Variants in ZFHX3 observed in about 807,000 individuals in gnomAD.
ZFHX3 encodes the protein zinc finger homeobox protein 3.
ZFHX3 carries 42 observed loss-of-function variants against 279.1 expected under a neutral mutation model. The ratio of observed to expected loss-of-function variants is 0.15; its 90% CI spans 0.12 to 0.19. The LOEUF is 0.19. ZFHX3 is among the 10% of genes least tolerant of loss of function. The pLI is 1.00. For missense variants in ZFHX3, 4,981 were observed against 4,754.0 expected, an observed-to-expected ratio of 1.05 and a Z score of -1.40; for synonymous variants, 2,293 against 1,957.8, an observed-to-expected ratio of 1.17 and a Z score of -4.52.
intron 7 of ZFHX3, among the ~76,000 whole-genome samples, chr16:72,802,541 C>A (rs1036951506): frequency 6.6e-6 from 1 of 152,018 alleles, no homozygotes; most frequent in Non-Finnish European, 1.5e-5. Context: ...CTATAGTGTA[C>A]CCAACCTCTC....
intron 2 of ZFHX3, among the ~76,000 whole-genome samples, chr16:73,565,128 C>T (rs1297263543): frequency 1.3e-5 from 2 of 152,106 alleles, no homozygotes. Flanking sequence ...GTGGCACATA[C>T]CTGTAGTCCC....
intron 7 of ZFHX3, among the ~76,000 whole-genome samples, chr16:73,125,798 A>G (rs1187924004): frequency 6.6e-6 from 1 of 151,858 alleles, no homozygotes; most frequent in Non-Finnish European, 1.5e-5. Flanking sequence ...ATATGTGTGT[A>G]TATATGTATA....
At chr16:73,170,135 G>A (rs997436127) in intron 5 of ZFHX3, among the ~76,000 whole-genome samples, 1 of 150,588 alleles carries the variant, frequency 6.6e-6, no homozygotes, top group African/African-American at 2.4e-5. Context: ...ATGTCCTGAT[G>A]CTAACTGCGA....
At chr16:73,891,738 T>C (rs1410981587) in exon 1 of ZFHX3, 1 of 141,862 alleles carries the variant, frequency 7.0e-6, no homozygotes, top group Non-Finnish European at 1.5e-5. Flanking sequence ...GGGTTTTTAG[T>C]TCTCTCTCTC....
At chr16:73,405,872 T>C (rs1163902046) in intron 3 of ZFHX3, among the ~76,000 whole-genome samples, 1 of 152,252 alleles carries the variant, frequency 6.6e-6, no homozygotes, top group African/African-American at 2.4e-5. Context: ...GGAATCTTCT[T>C]GAAAGGAGCG....
intron 2 of ZFHX3, among the ~76,000 whole-genome samples, chr16:73,591,378 AAACAAAC>A (rs1307007480): frequency 8.0e-5 from 12 of 150,270 alleles, no homozygotes; most frequent in Admixed American, 3.3e-4. Context: ...ACAAACAAAC[AAACAAAC>A]AAAAATCCAG....
At chr16:73,784,686 G>A (rs1959579583) in intron 1 of ZFHX3, among the ~76,000 whole-genome samples, 1 of 151,698 alleles carries the variant, frequency 6.6e-6, no homozygotes, top group Admixed American at 6.6e-5. Context: ...GGCAGAGGTT[G>A]CAGTGAGCCA....
At chr16:73,241,020 G>A (rs2013105704) in intron 5 of ZFHX3, among the ~76,000 whole-genome samples, 1 of 152,148 alleles carries the variant, frequency 6.6e-6, no homozygotes, top group African/African-American at 2.4e-5. Flanking sequence ...TTGGGGATGG[G>A]GTGGTGCATT....
At chr16:73,374,858 A>G (rs1030147944) in intron 3 of ZFHX3, among the ~76,000 whole-genome samples, 5 of 152,158 alleles carry the variant, frequency 3.3e-5, no homozygotes, top group African/African-American at 1.2e-4. Context: ...TCTCTGGTAA[A>G]TTGGTGATTA....
chr16:73,783,195 C>T (rs1243177222), intron 1 of ZFHX3, among the ~76,000 whole-genome samples: 2 of 152,202 alleles, frequency 1.3e-5, no homozygotes, highest in African/African-American at 4.8e-5. Flanking sequence ...AACCTGCAAC[C>T]AATGACTAGT....
At chr16:73,588,004 A>G (rs769711836) in intron 2 of ZFHX3, among the ~76,000 whole-genome samples, 26 of 152,210 alleles carry the variant, frequency 1.7e-4, no homozygotes, top group African/African-American at 5.1e-4. Flanking sequence ...ACAGTGGGCC[A>G]CAAACGGTAA....
chr16:73,012,073 A>T (rs898280899), intron 1 of ZFHX3, among the ~76,000 whole-genome samples: 3 of 152,216 alleles, frequency 2.0e-5, no homozygotes, highest in African/African-American at 7.2e-5. Context: ...CAAATGTCAC[A>T]GCCACTTCAA....
chr16:73,532,888 C>A (rs2019832172), intron 2 of ZFHX3, among the ~76,000 whole-genome samples: 1 of 152,202 alleles, frequency 6.6e-6, no homozygotes, highest in African/African-American at 2.4e-5. Flanking sequence ...TCCCCCTTTG[C>A]TCAGCACTCA....
intron 5 of ZFHX3, among the ~76,000 whole-genome samples, chr16:73,217,181 C>T (rs2012242379): frequency 6.6e-6 from 1 of 152,114 alleles, no homozygotes; most frequent in South Asian, 2.1e-4. Context: ...TCAGATGGGT[C>T]GATGTTATCG....
chr16:73,177,816 C>T (rs962816765), intron 5 of ZFHX3, among the ~76,000 whole-genome samples: 5 of 152,194 alleles, frequency 3.3e-5, no homozygotes, highest in African/African-American at 1.2e-4. Flanking sequence ...GTGGAGGAGA[C>T]AGACATATGA....
intron 2 of ZFHX3, among the ~76,000 whole-genome samples, chr16:73,502,602 G>A (rs1041422427): frequency 5.9e-5 from 9 of 152,162 alleles, no homozygotes; most frequent in Non-Finnish European, 1.3e-4. Flanking sequence ...TAGACAGTAC[G>A]GAGCTGAGAA....
intron 5 of ZFHX3, among the ~76,000 whole-genome samples, chr16:73,153,911 G>A (rs1182642494): frequency 2.0e-5 from 3 of 151,838 alleles, no homozygotes; most frequent in Non-Finnish European, 4.4e-5. Flanking sequence ...AATAATTAAG[G>A]ACAAGGATGG....
chr16:72,970,422 A>T (rs1249113337), intron 1 of ZFHX3, among the ~76,000 whole-genome samples: 1 of 152,174 alleles, frequency 6.6e-6, no homozygotes, highest in African/African-American at 2.4e-5. Flanking sequence ...AGTCACGTGG[A>T]GGCCTTTCCA....
At chr16:73,097,109 A>T (rs13337853) in intron 7 of ZFHX3, among the ~76,000 whole-genome samples, 411 of 151,792 alleles carry the variant, frequency 2.7e-3, no homozygotes, top group African/African-American at 9.4e-3. Context: ...GCTGGAGTGC[A>T]GTGGCACCAT....
Sources: gnomAD v4.1 joint callset for allele counts (sites outside exome capture counted in the v4.1 genomes callset) on GRCh38, gnomAD v4.1.1 for gene constraint, MANE v1.5 for transcripts, NCBI Gene and HGNC (gene_info 2026-07-23, HGNC 2026-07-21) for gene names.